LRRC4C: variants seen among roughly 807,000 people sequenced by gnomAD.
LRRC4C encodes the protein leucine-rich repeat-containing protein 4C.
A neutral mutation model predicts 33.6 loss-of-function variants in LRRC4C; 5 were observed. That is an observed-to-expected ratio of 0.15 (90% CI 0.08 to 0.31). LRRC4C has a LOEUF of 0.31. LRRC4C is among the 10% of genes least tolerant of loss of function. The pLI, the probability that LRRC4C is intolerant of heterozygous loss-of-function variation, is 1.00. For synonymous variants in LRRC4C, 329 were observed against 302.0 expected, an observed-to-expected ratio of 1.09 and a Z score of -0.93; for missense variants, 560 against 796.7, an observed-to-expected ratio of 0.70 and a Z score of 3.58.
At chr11:41,117,254 C>T (rs929741527) in intron 1 of LRRC4C, among the ~76,000 whole-genome samples, 1 of 152,164 alleles carries the variant, frequency 6.6e-6, no homozygotes, top group African/African-American at 2.4e-5. Flanking sequence ...TTGCTGACTG[C>T]AGCACTGAGA....
At chr11:40,885,212 T>C (rs1335172356) in intron 2 of LRRC4C, among the ~76,000 whole-genome samples, 2 of 152,132 alleles carry the variant, frequency 1.3e-5, no homozygotes, top group Non-Finnish European at 2.9e-5. Context: ...TTTTTAGTAG[T>C]GAATAAATTA....
chr11:40,370,586 A>T (rs901845220), intron 3 of LRRC4C, among the ~76,000 whole-genome samples: 1 of 152,190 alleles, frequency 6.6e-6, no homozygotes, highest in African/African-American at 2.4e-5. Context: ...ATCAAGACCC[A>T]GGGTCACCAA....
At chr11:41,379,391 A>G (rs1244475041) in intron 1 of LRRC4C, among the ~76,000 whole-genome samples, 1 of 152,110 alleles carries the variant, frequency 6.6e-6, no homozygotes, top group Non-Finnish European at 1.5e-5. Flanking sequence ...GTAGAAAAAA[A>G]TTTAAAGATA....
intron 1 of LRRC4C, among the ~76,000 whole-genome samples, chr11:41,194,894 G>A (rs1254762345): frequency 6.6e-6 from 1 of 152,046 alleles, no homozygotes; most frequent in Non-Finnish European, 1.5e-5. Context: ...TGTACTTGCT[G>A]TAATGGCAGG....
chr11:41,224,081 T>G (rs764561223), intron 1 of LRRC4C, among the ~76,000 whole-genome samples: 224 of 152,322 alleles, frequency 1.5e-3, no homozygotes, highest in Admixed American at 3.4e-3. Context: ...TGGTTTTTTG[T>G]CCTGGTTTAA....
At chr11:40,538,319 TCC>T (rs1032302855) in intron 3 of LRRC4C, among the ~76,000 whole-genome samples, 5 of 152,032 alleles carry the variant, frequency 3.3e-5, no homozygotes, top group African/African-American at 1.2e-4. Flanking sequence ...TGTGTGATGT[TCC>T]CCTTCTTCTG....
intron 1 of LRRC4C, among the ~76,000 whole-genome samples, chr11:41,454,078 C>T (rs886252581): frequency 6.6e-6 from 1 of 151,994 alleles, no homozygotes; most frequent in African/African-American, 2.4e-5. Flanking sequence ...GAACCCACAA[C>T]CTGAAGGACA....
intron 3 of LRRC4C, among the ~76,000 whole-genome samples, chr11:40,325,892 G>A (rs1170247021): frequency 1.3e-5 from 2 of 151,912 alleles, no homozygotes; most frequent in African/African-American, 4.8e-5. Context: ...CTCACAATTA[G>A]ATTAAGACCA....
At chr11:40,586,733 G>A (rs9665909) in intron 3 of LRRC4C, among the ~76,000 whole-genome samples, 1 of 148,474 alleles carries the variant, frequency 6.7e-6, no homozygotes, top group Non-Finnish European at 1.5e-5. Context: ...AAATAGGGAA[G>A]CCTTTCCCCA....
chr11:40,544,330 A>G (rs1473928453), intron 3 of LRRC4C, among the ~76,000 whole-genome samples: 1 of 152,056 alleles, frequency 6.6e-6, no homozygotes, highest in East Asian at 1.9e-4. Context: ...GGATTTAAGA[A>G]GCGAAACTCC....
chr11:40,921,265 G>T (rs551123040), intron 2 of LRRC4C, among the ~76,000 whole-genome samples: 19 of 152,142 alleles, frequency 1.2e-4, no homozygotes, highest in African/African-American at 4.6e-4. Flanking sequence ...CAGAAAAGTG[G>T]GTCAGAGATT....
chr11:40,802,320 T>G (rs1252953892), intron 2 of LRRC4C, among the ~76,000 whole-genome samples: 1 of 152,048 alleles, frequency 6.6e-6, no homozygotes, highest in South Asian at 2.1e-4. Flanking sequence ...TGCTACACAG[T>G]GGGTATTTAA....
intron 2 of LRRC4C, among the ~76,000 whole-genome samples, chr11:40,926,932 G>T (rs1957428311): frequency 6.6e-6 from 1 of 152,134 alleles, no homozygotes; most frequent in Non-Finnish European, 1.5e-5. Context: ...GATCATGAGT[G>T]TTCAGATCAT....
chr11:41,277,449 A>T (rs556673012), intron 1 of LRRC4C, among the ~76,000 whole-genome samples: 1 of 152,334 alleles, frequency 6.6e-6, no homozygotes, highest in South Asian at 2.1e-4. Context: ...ATAATGAACT[A>T]TTGGAAAATG....
At chr11:40,413,214 T>A (rs957973697) in intron 3 of LRRC4C, among the ~76,000 whole-genome samples, 3 of 152,048 alleles carry the variant, frequency 2.0e-5, no homozygotes, top group African/African-American at 7.2e-5. Context: ...GATTGGTTTT[T>A]TTCATGGAAA....
chr11:40,525,185 A>G (rs11035894), intron 3 of LRRC4C, among the ~76,000 whole-genome samples: 13,372 of 152,096 alleles, frequency 0.088, 1,667 homozygotes, highest in African/African-American at 0.28. Context: ...CGTGGCTCAC[A>G]CCTGTAATCC....
intron 5 of LRRC4C, among the ~76,000 whole-genome samples, chr11:40,141,608 C>T (rs1857372673): frequency 6.6e-6 from 1 of 152,122 alleles, no homozygotes; most frequent in African/African-American, 2.4e-5. Flanking sequence ...AGAAAGATCC[C>T]TCACAATTAG....
At chr11:41,401,464 G>A (rs558131431) in intron 1 of LRRC4C, among the ~76,000 whole-genome samples, 5 of 139,676 alleles carry the variant, frequency 3.6e-5, no homozygotes, top group South Asian at 4.5e-4. Flanking sequence ...AAGTTTACAA[G>A]CATAACTAAA....
At chr11:40,223,826 T>A (rs530615941) in intron 5 of LRRC4C, among the ~76,000 whole-genome samples, 1 of 152,370 alleles carries the variant, frequency 6.6e-6, no homozygotes, top group East Asian at 1.9e-4. Context: ...TGTATACTTT[T>A]GCAGAACTAA....
Sources: gnomAD v4.1 joint callset for allele counts (sites outside exome capture counted in the v4.1 genomes callset) on GRCh38, gnomAD v4.1.1 for gene constraint, MANE v1.5 for transcripts, NCBI Gene and HGNC (gene_info 2026-07-23, HGNC 2026-07-21) for gene names.